Variants in HNMT observed in about 807,000 individuals in gnomAD.
The protein encoded by HNMT is histamine N-methyltransferase.
A neutral mutation model predicts 32.1 loss-of-function variants in HNMT; 30 were observed. That is an observed-to-expected ratio of 0.93 (90% CI 0.70 to 1.27). The LOEUF is 1.27. Ranked by LOEUF, HNMT falls within the 50% of genes most tolerant of loss-of-function variation. The pLI, the probability that HNMT is intolerant of heterozygous loss-of-function variation, is 0.00. For synonymous variants in HNMT, 125 were observed against 119.0 expected (o/e 1.05, Z -0.33); for missense variants, 327 against 346.0 (o/e 0.95, Z 0.43).
intron 4 of HNMT, among the ~76,000 whole-genome samples, chr2:138,004,869 T>G (rs1021477100): frequency 6.6e-6 from 1 of 152,134 alleles, no homozygotes; most frequent in African/African-American, 2.4e-5. Flanking sequence ...TATAAATGTC[T>G]GTGCTATGGA....
In HNMT at chr2:138,016,305, T is replaced by C. The variant is rs910804392; in HGVS notation, c.*2175T>C. ...ATACCTTGTGTGTTCATATTATTATTATAAACAGAGCTCAAGAAACCCAAT... is the reference window on the plus strand; with the variant it reads ...ATACCTTGTGTGTTCATATTATTATCATAAACAGAGCTCAAGAAACCCAAT... On this transcript the variant is annotated 3_prime_UTR_variant, in exon 6 of 6. Transcript: ENST00000280097. 5.9e-5 allele frequency: 9 copies of C among 152,124 alleles called. No homozygotes were observed. Among genetic ancestry groups the C allele is most frequent in the African/African-American group, 2.2e-4 (9 of 41,434 alleles). The allele number at this position is 152,124 out of a possible 1,614,324, so 9.4% of individuals were successfully genotyped here.
chr2:137,995,969 C>T (rs1445496237), intron 2 of HNMT, among the ~76,000 whole-genome samples: 1 of 152,136 alleles, frequency 6.6e-6, no homozygotes, highest in East Asian at 1.9e-4. Flanking sequence ...AATTAAACTA[C>T]TCTTCTTGTT....
rs192968565 is a variant in HNMT, at chr2:137,996,520, G to C, written c.191-4398G>C. 2.6e-5 allele frequency among the ~76,000 whole-genome samples: 4 copies of C among 152,256 alleles called. No individual in the cohort carries two copies. In the East Asian group the frequency reaches 7.7e-4, roughly 29 times the overall value. ...CAAAGCATTTTTCAAGGATATAAGA[G>C]AGGATGCAATCAAATGGAAAAACAT... is the stretch of plus-strand genomic sequence containing the variant. On this transcript the variant is annotated intron_variant, in intron 2 of 5. Coordinates refer to ENST00000280097, the MANE Select transcript of HNMT (RefSeq NM_006895.3).
At chr2:137,972,550 G>T (rs1468179072) in intron 2 of HNMT, among the ~76,000 whole-genome samples, 1 of 152,074 alleles carries the variant, frequency 6.6e-6, no homozygotes, top group East Asian at 1.9e-4. Context: ...GACAGACAAT[G>T]AAGGGAATTG....
rs760506644 is a variant in HNMT at position 138,002,049 on chromosome 2, T to C, written c.299-15T>C. On this transcript the variant is annotated splice_polypyrimidine_tract_variant and intron_variant, in intron 3 of 5. Coordinates refer to ENST00000280097, the MANE Select transcript of HNMT (RefSeq NM_006895.3). ...ATTAAAATTGATGGTGTGTCACCTC[T>C]TCTCTGTATTTTAGAGCTTGTAGCC... The C allele has an allele frequency of 6.6e-6, 10 of 1,526,450 alleles. No homozygotes were observed. The African/African-American group carries it at 1.1e-4, about 17-fold the overall frequency. The allele number at this position is 1,526,450 out of a possible 1,614,324, so 94.6% of individuals were successfully genotyped here.
chr2:138,000,568 A>T (rs569839081), intron 2 of HNMT, among the ~76,000 whole-genome samples: 12 of 64 alleles, frequency 0.19, no homozygotes, highest in African/African-American at 0.3. Context: ...TCCAGTTGAT[A>T]AAAATCTTAA....
intron 5 of HNMT, among the ~76,000 whole-genome samples, chr2:138,010,482 CAG>C (rs1491286179): frequency 0.18 from 24,652 of 134,056 alleles, 2,368 homozygotes; most frequent in East Asian, 0.26. Context: ...CACACACACA[CAG>C]CAAATGGAAG....
intron 5 of HNMT, 121 bp downstream of exon 5, chr2:138,005,346 T>C: frequency 1.5e-6 from 1 of 654,714 alleles, no homozygotes; most frequent in South Asian, 1.9e-5. Context: ...CCTTGGCCTC[T>C]AATCATAGCC....
At chr2:137,967,735 T>G (rs1244323942) in intron 1 of HNMT, 1 of 152,222 alleles carries the variant, frequency 6.6e-6, no homozygotes, top group Admixed American at 6.5e-5. Context: ...ATTTCCAGTT[T>G]GCTACAACTT....
chr2:137,973,353 C>A, intron 2 of HNMT, among the ~76,000 whole-genome samples: 1 of 152,128 alleles, frequency 6.6e-6, no homozygotes, highest in Non-Finnish European at 1.5e-5. Flanking sequence ...CAATGCATTA[C>A]TATACAGCAA....
intron 5 of HNMT, among the ~76,000 whole-genome samples, chr2:138,005,584 C>T (rs1313243873): frequency 2.0e-5 from 3 of 151,892 alleles, no homozygotes; most frequent in African/African-American, 7.2e-5. Flanking sequence ...TGTTTCTTTT[C>T]CCTCTATGAT....
intron 2 of HNMT, chr2:137,981,192 A>T (rs1216171477): frequency 6.2e-7 from 1 of 1,610,830 alleles, no homozygotes; most frequent in African/African-American, 1.3e-5. Context: ...ACAGTCTTTA[A>T]TCCCCTATTT....
At chr2:137,995,236 T>G (rs1020314478) in intron 2 of HNMT, among the ~76,000 whole-genome samples, 8 of 151,238 alleles carry the variant, frequency 5.3e-5, no homozygotes, top group African/African-American at 1.9e-4. Flanking sequence ...CAGGAGCTGG[T>G]TTTTTGAAAA....
rs148295303 is a variant in HNMT, at chr2:138,006,759, T to A, written c.523+1534T>A. ...GGCACTTTTAACTATGTGAATTTGGTCTCTGCATCTCAGTTTATTCAAGGG... is the reference window on the plus strand; with the variant it reads ...GGCACTTTTAACTATGTGAATTTGGACTCTGCATCTCAGTTTATTCAAGGG... On this transcript the variant is annotated intron_variant, in intron 5 of 5. Coordinates refer to ENST00000280097, the MANE Select transcript of HNMT (RefSeq NM_006895.3). Among the ~76,000 whole-genome samples, 227 of 152,146 alleles carry A rather than the reference T, an allele frequency of 1.5e-3. 5 individuals carry two copies. The South Asian group carries it at 0.036, about 24-fold the overall frequency.
At chr2:137,975,205 A>G (rs1046545259) in intron 2 of HNMT, among the ~76,000 whole-genome samples, 2 of 152,218 alleles carry the variant, frequency 1.3e-5, no homozygotes, top group African/African-American at 4.8e-5. Flanking sequence ...TTGCAGTAGC[A>G]TCTGTGATCT....
intron 2 of HNMT, among the ~76,000 whole-genome samples, chr2:137,997,300 T>C (rs1681026378): frequency 6.6e-6 from 1 of 151,774 alleles, no homozygotes; most frequent in Non-Finnish European, 1.5e-5. Context: ...TATCCAGAAT[T>C]TACAAGGAAC....
intron 1 of HNMT, among the ~76,000 whole-genome samples, chr2:137,965,926 A>G (rs1679944348): frequency 6.6e-6 from 1 of 152,206 alleles, no homozygotes; most frequent in Admixed American, 6.5e-5. Context: ...ATCTAACTGG[A>G]AATATTATAA....
chr2:137,989,150 A>G (rs1411409879), intron 2 of HNMT, among the ~76,000 whole-genome samples: 3 of 152,204 alleles, frequency 2.0e-5, no homozygotes, highest in Non-Finnish European at 4.4e-5. Context: ...GGTTTAAACA[A>G]ATGTATAAAG....
At chr2:138,003,395 C>T (rs952068217) in intron 4 of HNMT, among the ~76,000 whole-genome samples, 13 of 152,150 alleles carry the variant, frequency 8.5e-5, no homozygotes, top group East Asian at 7.7e-4. Flanking sequence ...ACTTGATTAA[C>T]GACAAAACAC....
Sources: gnomAD v4.1 joint callset for allele counts (sites outside exome capture counted in the v4.1 genomes callset) on GRCh38, gnomAD v4.1.1 for gene constraint, MANE v1.5 for transcripts, NCBI Gene and HGNC (gene_info 2026-07-23, HGNC 2026-07-21) for gene names.